FAT3: variants seen among roughly 807,000 people sequenced by gnomAD.
FAT3 encodes the protein FAT atypical cadherin 3.
Under a neutral mutation model 310.2 loss-of-function variants are expected in FAT3, and 95 were observed. That is an observed-to-expected ratio of 0.31 (90% CI 0.26 to 0.36). The LOEUF (loss-of-function observed/expected upper bound fraction) is 0.36. Among genes scored for constraint, FAT3 ranks in the 10% least tolerant of loss-of-function variants. FAT3 has a pLI of 1.00. For synonymous variants in FAT3, 2,314 were observed against 2,192.9 expected (o/e 1.06, Z -1.54); for missense variants, 5,408 against 5,715.6 (o/e 0.95, Z 1.74).
chr11:92,622,741 A>G (rs1941143929), intron 3 of FAT3, among the ~76,000 whole-genome samples: 2 of 152,186 alleles, frequency 1.3e-5, no homozygotes, highest in South Asian at 2.1e-4. Context: ...ACGGTCACAG[A>G]GAGTTCTCAT....
At chr11:92,637,543 G>A (rs780271643) in intron 3 of FAT3, among the ~76,000 whole-genome samples, 1 of 152,122 alleles carries the variant, frequency 6.6e-6, no homozygotes, top group African/African-American at 2.4e-5. Flanking sequence ...GTCATTAATG[G>A]CACTGAAGTC....
Position 92,798,741 on chromosome 11 carries a change from C to A in FAT3, c.5728C>A (p.Pro1910Thr), listed in dbSNP as rs765800473. 1.1e-5 allele frequency: 18 copies of A among 1,613,706 alleles called. No individual in the cohort carries two copies. Among genetic ancestry groups the A allele is most frequent in the Non-Finnish European group, 1.5e-5 (18 of 1,179,846 alleles). Residue 1910 changes from proline to threonine, a missense_variant, in exon 10 of 28, where the codon CCT (proline) becomes ACT (threonine). This residue lies in a region of FAT3 where 4,588 missense variants were observed against 4,809.8 expected (regional missense o/e 0.95). Coordinates refer to ENST00000525166, the MANE Select transcript of FAT3 (RefSeq NM_001367949.2). Reference protein sequence around the residue: ...VEVLKVSATDPDSEVPPELTY... With the variant: ...VEVLKVSATDTDSEVPPELTY... ...GGTTCTGAAAGTTAGTGCCACAGAT[C>A]CTGACTCTGAGGTACCCCCTGAACT...
At chr11:92,240,576 C>CAAAAAAAA (rs570423845) in intron 1 of FAT3, among the ~76,000 whole-genome samples, 2 of 140,750 alleles carry the variant, frequency 1.4e-5, no homozygotes, top group African/African-American at 5.2e-5. Flanking sequence ...GAAACCCCCC[C>CAAAAAAAA]AAAAAAAAAA....
intron 2 of FAT3, among the ~76,000 whole-genome samples, chr11:92,503,403 T>C (rs1953004668): frequency 6.6e-6 from 1 of 152,240 alleles, no homozygotes; most frequent in East Asian, 1.9e-4. Context: ...AAATAGTGTT[T>C]ACTATCATTA....
intron 3 of FAT3, among the ~76,000 whole-genome samples, chr11:92,683,248 A>G (rs76606677): frequency 5.3e-5 from 8 of 152,268 alleles, no homozygotes; most frequent in African/African-American, 1.9e-4. Flanking sequence ...TAATGTATGA[A>G]GACACTTCCA....
At chr11:92,856,748 T>C (rs144431325) in intron 19 of FAT3, among the ~76,000 whole-genome samples, 1 of 152,276 alleles carries the variant, frequency 6.6e-6, no homozygotes, top group Admixed American at 6.5e-5. Flanking sequence ...ATGTCTTTTT[T>C]TTTTCCCCTC....
At position 92,490,360 on chromosome 11, in the gene FAT3, C is replaced by G. The variant is rs542321745; in HGVS notation, c.3293-34274C>G. Among the ~76,000 whole-genome samples, 122 of 152,198 alleles carry G rather than the reference C, an allele frequency of 8.0e-4. 1 individual carries two copies. Among genetic ancestry groups the G allele is most frequent in the African/African-American group, 2.6e-3 (108 of 41,550 alleles). On this transcript the variant is annotated intron_variant, in intron 2 of 27. Transcript: ENST00000525166. ...ACTACAGTGTTCACTGGAAAGAGGT[C>G]TGTTATTACAAACTGGATTTGAGTC...
At chr11:92,271,047 G>A (rs1012542735) in intron 1 of FAT3, among the ~76,000 whole-genome samples, 1 of 151,954 alleles carries the variant, frequency 6.6e-6, no homozygotes, top group Non-Finnish European at 1.5e-5. Flanking sequence ...AAGCCATCAG[G>A]ATCTCTCCCT....
At chr11:92,620,546 A>AT (rs570228808) in intron 3 of FAT3, among the ~76,000 whole-genome samples, 31 of 152,090 alleles carry the variant, frequency 2.0e-4, no homozygotes, top group Admixed American at 1.4e-3. Context: ...AATAATCTTG[A>AT]TTTTTTTTAA....
intron 4 of FAT3, among the ~76,000 whole-genome samples, chr11:92,712,599 A>AC (rs1037476937): frequency 2.0e-5 from 3 of 151,724 alleles, no homozygotes; most frequent in African/African-American, 7.3e-5. Context: ...AAATGAAAAA[A>AC]AATATATTCT....
intron 3 of FAT3, among the ~76,000 whole-genome samples, chr11:92,548,730 C>T (rs1347833512): frequency 6.6e-6 from 1 of 152,060 alleles, no homozygotes; most frequent in Non-Finnish European, 1.5e-5. Flanking sequence ...CTGAAAAAGT[C>T]TTTTGTTTTG....
chr11:92,534,271 A>C (rs766989080), intron 3 of FAT3, among the ~76,000 whole-genome samples: 7 of 151,974 alleles, frequency 4.6e-5, no homozygotes, highest in Non-Finnish European at 1.0e-4. Flanking sequence ...CAATAACCAC[A>C]GTCCTGGGGG....
chr11:92,735,458 A>T (rs949702757), intron 4 of FAT3, among the ~76,000 whole-genome samples: 2 of 152,086 alleles, frequency 1.3e-5, no homozygotes, highest in African/African-American at 4.8e-5. Flanking sequence ...CCAGAGGTCT[A>T]CTGAATACTA....
intron 1 of FAT3, among the ~76,000 whole-genome samples, chr11:92,247,023 A>G (rs947936): frequency 0.16 from 23,808 of 152,102 alleles, 2,165 homozygotes; most frequent in East Asian, 0.38. Flanking sequence ...ACCAGTTTAG[A>G]GGGAGCTCTA....
chr11:92,412,752 C>CACATATATATATATATATATATATATAT (rs1565296555), intron 2 of FAT3, among the ~76,000 whole-genome samples: 3 of 24,290 alleles, frequency 1.2e-4, no homozygotes, highest in African/African-American at 3.2e-4. Flanking sequence ...TATAAATATA[C>CACATATATATATATATATATATATATAT]ATACATATAT....
At chr11:92,420,429 C>G (rs1950512264) in intron 2 of FAT3, among the ~76,000 whole-genome samples, 2 of 152,162 alleles carry the variant, frequency 1.3e-5, no homozygotes, top group South Asian at 4.1e-4. Flanking sequence ...TAGCTATGCT[C>G]AGTCTTAGTT....
intron 1 of FAT3, among the ~76,000 whole-genome samples, chr11:92,316,354 G>A (rs530017600): frequency 2.6e-5 from 4 of 152,150 alleles, no homozygotes; most frequent in Non-Finnish European, 4.4e-5. Context: ...GTTGGCAGGA[G>A]TATAACTGTT....
At position 92,663,393 on chromosome 11, in the gene FAT3, A is replaced by G. The variant is rs140285292; in HGVS notation, c.3608-33991A>G. Among the ~76,000 whole-genome samples the G allele has an allele frequency of 5.8e-4, 88 of 152,262 alleles. 2 individuals carry two copies. In the East Asian group the frequency reaches 0.015, roughly 27 times the overall value. On this transcript the variant is annotated intron_variant, in intron 3 of 27. Transcript: ENST00000525166. ...ACAGGCAATGGAGAAGCTAACGGAG[A>G]TTACTAAGCAGAATCAGACCTGCAG...
intron 3 of FAT3, among the ~76,000 whole-genome samples, chr11:92,624,841 C>G (rs1002112232): frequency 7.2e-5 from 11 of 152,130 alleles, no homozygotes; most frequent in Non-Finnish European, 1.5e-4. Flanking sequence ...GGCAGGGTGG[C>G]CTTCTTCTGA....
Sources: gnomAD v4.1 joint callset for allele counts (sites outside exome capture counted in the v4.1 genomes callset) on GRCh38, gnomAD v4.1.1 for gene constraint, gnomAD v4.1.1 regional missense constraint, MANE v1.5 for transcripts, NCBI Gene and HGNC (gene_info 2026-07-23, HGNC 2026-07-21) for gene names.